The following CEP128 variants were observed in gnomAD, a reference collection of about 807,000 sequenced individuals.
CEP128 encodes centrosomal protein 128, also known as centrosomal protein 128kDa.
A neutral mutation model predicts 156.7 loss-of-function variants in CEP128; 132 were observed. That is an observed-to-expected ratio of 0.84 (90% CI 0.73 to 0.97). The LOEUF (loss-of-function observed/expected upper bound fraction) is 0.97. Ranked by LOEUF, CEP128 falls within the 50% of genes least tolerant of loss-of-function variation. CEP128 has a pLI of 0.00. For missense variants in CEP128, 1,252 were observed against 1,281.9 expected, an observed-to-expected ratio of 0.98 and a Z score of 0.36; for synonymous variants, 469 against 448.9, an observed-to-expected ratio of 1.04 and a Z score of -0.57.
chr14:80,840,548 C>T (rs766352270), intron 10 of CEP128, 134 bp downstream of exon 10: 21 of 555,450 alleles, frequency 3.8e-5, no homozygotes, highest in Admixed American at 1.4e-4. Flanking sequence ...GCCGTTGAAC[C>T]AATTGACTCC....
At chr14:80,593,779 C>T (rs1892192044) in intron 19 of CEP128, among the ~76,000 whole-genome samples, 1 of 152,054 alleles carries the variant, frequency 6.6e-6, no homozygotes, top group South Asian at 2.1e-4. Context: ...TGTGAAGGAC[C>T]TCTTCAAGGA....
At chr14:80,575,566 C>T (rs948570761) in intron 20 of CEP128, among the ~76,000 whole-genome samples, 9 of 152,062 alleles carry the variant, frequency 5.9e-5, no homozygotes, top group Admixed American at 6.6e-5. Flanking sequence ...AGGAGAAGCC[C>T]GATGGGGGCA....
chr14:80,689,408 AT>A (rs1896642760), intron 19 of CEP128, among the ~76,000 whole-genome samples: 1 of 152,114 alleles, frequency 6.6e-6, no homozygotes, highest in Non-Finnish European at 1.5e-5. Flanking sequence ...GTTAGAAGGA[AT>A]TGAGAACGTG....
At chr14:80,607,483 C>T (rs1214370341) in intron 19 of CEP128, among the ~76,000 whole-genome samples, 1 of 152,098 alleles carries the variant, frequency 6.6e-6, no homozygotes, top group African/African-American at 2.4e-5. Context: ...TGTTCACATG[C>T]ACAAAGCTGG....
Position 80,701,666 on chromosome 14 carries a change from T to A in CEP128, c.2806+41409A>T, listed in dbSNP as rs141989631. On this transcript the variant is annotated intron_variant, in intron 19 of 24. Transcript: ENST00000555265. ...TTTTAAACTAATTCCAACGTTTAGT[T>A]CACTTTTTCCTACTAATTTTCTTTC... Among the ~76,000 whole-genome samples, 250 of 152,306 alleles carry A rather than the reference T, an allele frequency of 1.6e-3. 2 individuals carry two copies. The highest frequency in any genetic ancestry group is 5.5e-3 in the African/African-American group (228 of 41,580).
intron 2 of CEP128, among the ~76,000 whole-genome samples, chr14:80,949,241 A>G (rs1419102728): frequency 6.6e-6 from 1 of 152,208 alleles, no homozygotes; most frequent in African/African-American, 2.4e-5. Context: ...GAGAGTTTCC[A>G]AGTCATGGTG....
rs138774694 is a variant in CEP128, at chr14:80,788,889, G to T, written c.1561-3344C>A. Among the ~76,000 whole-genome samples, 909 of 152,260 alleles carry T rather than the reference G, an allele frequency of 6.0e-3. 9 individuals carry two copies. The highest frequency in any genetic ancestry group is 0.021 in the African/African-American group (872 of 41,556). ...ACCCACAAGAAAATCATTCCAGGCAGAACTGCTCCAGCTCTCTGCAATTTG... is the reference window on the plus strand; with the variant it reads ...ACCCACAAGAAAATCATTCCAGGCATAACTGCTCCAGCTCTCTGCAATTTG... On this transcript the variant is annotated intron_variant, in intron 14 of 24. Coordinates refer to ENST00000555265, the MANE Select transcript of CEP128 (RefSeq NM_152446.5).
At chr14:80,954,644 C>G (rs945028344) in intron 2 of CEP128, among the ~76,000 whole-genome samples, 3 of 152,064 alleles carry the variant, frequency 2.0e-5, no homozygotes, top group Admixed American at 2.0e-4. Flanking sequence ...AGGAATTATG[C>G]AGTATAGAAG....
rs554374041 is a variant in CEP128 at position 80,728,960 on chromosome 14, T to C, written c.2806+14115A>G. Among the ~76,000 whole-genome samples the C allele has an allele frequency of 1.1e-4, 17 of 152,196 alleles. 1 individual carries two copies. In the South Asian group the frequency reaches 3.5e-3, roughly 32 times the overall value. ...AATCTGCAGGTTCACGCTGAGCCCTTTTGGTTAAACGCATCACTGAGGCAA... is the reference window on the plus strand; with the variant it reads ...AATCTGCAGGTTCACGCTGAGCCCTCTTGGTTAAACGCATCACTGAGGCAA... On this transcript the variant is annotated intron_variant, in intron 19 of 24. Transcript: ENST00000555265.
rs58679489 is a variant in CEP128 at position 80,909,502 on chromosome 14, C to G, written c.235-3421G>C. Among the ~76,000 whole-genome samples the G allele has an allele frequency of 5.2e-3, 784 of 152,078 alleles. 6 individuals are homozygous for G. Among genetic ancestry groups the G allele is most frequent in the African/African-American group, 0.018 (727 of 41,490 alleles). On this transcript the variant is annotated intron_variant, in intron 4 of 24. Coordinates refer to ENST00000555265, the MANE Select transcript of CEP128 (RefSeq NM_152446.5). ...GTGAAACACTTCCCCAAAATCTAAT[C>G]TATCAACCCCATTTTAAAACTCTAA...
intron 9 of CEP128, among the ~76,000 whole-genome samples, chr14:80,851,185 G>A (rs749587453): frequency 6.6e-6 from 1 of 152,036 alleles, no homozygotes; most frequent in Non-Finnish European, 1.5e-5. Flanking sequence ...TGTACTACCT[G>A]TCCCAGAAAC....
At chr14:80,648,633 T>A (rs908296681) in intron 19 of CEP128, among the ~76,000 whole-genome samples, 1 of 152,130 alleles carries the variant, frequency 6.6e-6, no homozygotes, top group African/African-American at 2.4e-5. Context: ...TGTAGAAGAA[T>A]ACCTACATAT....
intron 19 of CEP128, among the ~76,000 whole-genome samples, chr14:80,704,685 T>A (rs1479054625): frequency 1.7e-5 from 1 of 60,402 alleles, no homozygotes; most frequent in Non-Finnish European, 4.5e-5. Flanking sequence ...AATTTTTTTA[T>A]AAAATTAGGA....
At chr14:80,603,158 C>G (rs934394591) in intron 19 of CEP128, among the ~76,000 whole-genome samples, 1 of 152,166 alleles carries the variant, frequency 6.6e-6, no homozygotes, top group Non-Finnish European at 1.5e-5. Flanking sequence ...AGACAATGGC[C>G]TTTCTGGCCA....
chr14:80,894,559 A>AG (rs1889256441), intron 8 of CEP128: 1 of 430,436 alleles, frequency 2.3e-6, no homozygotes, highest in Non-Finnish European at 4.5e-6. Context: ...CAAAAAAAAA[A>AG]TATATCTTGA....
intron 23 of CEP128, among the ~76,000 whole-genome samples, chr14:80,521,928 T>C (rs187623154): frequency 4.6e-5 from 7 of 152,312 alleles, no homozygotes; most frequent in African/African-American, 1.2e-4. Flanking sequence ...AATCTCTGTA[T>C]AGGGGAGGCT....
chr14:80,663,293 C>CGTCA (rs1895474338), intron 19 of CEP128, among the ~76,000 whole-genome samples: 1 of 152,096 alleles, frequency 6.6e-6, no homozygotes, highest in Admixed American at 6.5e-5. Flanking sequence ...ACTAGCATGA[C>CGTCA]CTCTCTTGAT....
At chr14:80,501,263 G>A (rs550746034) in intron 24 of CEP128, among the ~76,000 whole-genome samples, 2 of 152,238 alleles carry the variant, frequency 1.3e-5, no homozygotes, top group African/African-American at 2.4e-5. Flanking sequence ...TTCCTGGAGC[G>A]AGGAGTAGAA....
At chr14:80,481,467 CA>C (rs1429927628) in intron 14 of CEP128, among the ~76,000 whole-genome samples, 1 of 152,172 alleles carries the variant, frequency 6.6e-6, no homozygotes, top group Non-Finnish European at 1.5e-5. Flanking sequence ...GGGACACAGC[CA>C]AACCATACCA....
Sources: allele counts gnomAD v4.1 joint callset (sites outside exome capture counted in the v4.1 genomes callset), GRCh38; gene constraint gnomAD v4.1.1; transcripts MANE v1.5; gene names NCBI Gene and HGNC (gene_info 2026-07-23, HGNC 2026-07-21).